DOCK4: variants seen among roughly 807,000 people sequenced by gnomAD.
DOCK4 encodes dedicator of cytokinesis protein 4.
A neutral mutation model predicts 268.1 loss-of-function variants in DOCK4; 97 were observed. The ratio of observed to expected loss-of-function variants is 0.36; its 90% CI spans 0.31 to 0.43. The LOEUF is 0.43. Among genes scored for constraint, DOCK4 ranks in the 20% least tolerant of loss-of-function variants. The pLI is 1.00. For missense variants in DOCK4, 2,145 were observed against 2,455.7 expected, an observed-to-expected ratio of 0.87 and a Z score of 2.67; for synonymous variants, 954 against 887.2, an observed-to-expected ratio of 1.08 and a Z score of -1.34.
chr7:112,043,704 A>G (rs1028958598), intron 1 of DOCK4, among the ~76,000 whole-genome samples: 1 of 151,976 alleles, frequency 6.6e-6, no homozygotes, highest in African/African-American at 2.4e-5. Flanking sequence ...AACCCTGGAT[A>G]GAGGGGATTT....
chr7:112,000,579 T>C, intron 2 of DOCK4, 45 bp from the exon 3 acceptor site: 2 of 1,365,626 alleles, frequency 1.5e-6, no homozygotes, highest in South Asian at 3.0e-5. Context: ...ACCATTGTAA[T>C]ATTTTAAAGA....
intron 1 of DOCK4, among the ~76,000 whole-genome samples, chr7:112,151,284 G>C (rs886839824): frequency 1.3e-5 from 2 of 152,078 alleles, no homozygotes; most frequent in Non-Finnish European, 2.9e-5. Context: ...GTTTCCTCAT[G>C]TGTAGAATGG....
At chr7:111,916,068 C>T (rs1247769915) in intron 12 of DOCK4, among the ~76,000 whole-genome samples, 164 bp from the exon 13 acceptor site, 3 of 152,184 alleles carry the variant, frequency 2.0e-5, no homozygotes, top group Non-Finnish European at 4.4e-5. Flanking sequence ...CTGAATAACA[C>T]TTTTCCAACT....
chr7:112,044,436 A>G (rs1804656740), intron 1 of DOCK4, among the ~76,000 whole-genome samples: 1 of 152,208 alleles, frequency 6.6e-6, no homozygotes, highest in South Asian at 2.1e-4. Flanking sequence ...GGATGATCTT[A>G]GATATTTTTA....
chr7:112,148,817 G>A (rs1164291746), intron 1 of DOCK4, among the ~76,000 whole-genome samples: 4 of 152,108 alleles, frequency 2.6e-5, no homozygotes, highest in Non-Finnish European at 5.9e-5. Flanking sequence ...GAATTACCCC[G>A]AAGTTCACTG....
chr7:111,960,880 T>C (rs544908451), intron 8 of DOCK4, among the ~76,000 whole-genome samples: 1 of 152,314 alleles, frequency 6.6e-6, no homozygotes, highest in South Asian at 2.1e-4. Context: ...TAAGGCTGAA[T>C]AGTATTCCAA....
chr7:112,062,599 A>G (rs911200250), intron 1 of DOCK4, among the ~76,000 whole-genome samples: 3 of 152,184 alleles, frequency 2.0e-5, no homozygotes, highest in African/African-American at 7.2e-5. Flanking sequence ...GGGCCGACTT[A>G]AAACAATCCT....
At chr7:111,802,382 G>A (rs1478450876) in intron 30 of DOCK4, among the ~76,000 whole-genome samples, 1 of 152,148 alleles carries the variant, frequency 6.6e-6, no homozygotes, top group Non-Finnish European at 1.5e-5. Flanking sequence ...CAGCCACAGA[G>A]GCTGTGCCCC....
intron 28 of DOCK4, 36 bp from the exon 29 acceptor site, chr7:111,809,437 T>C: frequency 6.7e-7 from 1 of 1,498,734 alleles, no homozygotes; most frequent in Non-Finnish European, 9.1e-7. Flanking sequence ...TACTATGGTG[T>C]TACAAGCATA....
chr7:111,813,600 G>A (rs1801311802), intron 27 of DOCK4, among the ~76,000 whole-genome samples: 2 of 152,100 alleles, frequency 1.3e-5, no homozygotes, highest in African/African-American at 4.8e-5. Flanking sequence ...ACCTTTCAGT[G>A]AATCTTATTA....
At chr7:111,876,967 T>A in intron 17 of DOCK4, 63 bp downstream of exon 17, 1 of 1,282,950 alleles carries the variant, frequency 7.8e-7, no homozygotes, top group African/African-American at 1.5e-5. Flanking sequence ...TTACTGAATA[T>A]GCTTACCAAA....
At chr7:111,867,497 A>G (rs1031855172) in intron 22 of DOCK4, among the ~76,000 whole-genome samples, 27 of 152,214 alleles carry the variant, frequency 1.8e-4, no homozygotes, top group Non-Finnish European at 3.1e-4. Flanking sequence ...GTTTGGCGGC[A>G]GCAGCAGCTC....
intron 1 of DOCK4, among the ~76,000 whole-genome samples, chr7:112,148,550 G>A (rs554307617): frequency 2.0e-5 from 3 of 151,966 alleles, no homozygotes; most frequent in African/African-American, 7.2e-5. Context: ...TAAAATCTAG[G>A]GGCCAGTAGC....
rs536275745 is a variant in DOCK4 at position 111,971,250 on chromosome 7, T to C, written c.701+5882A>G. On this transcript the variant is annotated intron_variant, in intron 8 of 52. Transcript: ENST00000428084. ...GTCTAGTGGTGGGTTCTTTAGCCTT[T>C]GCCTTTTCCAGCTTGGGAATGTGAG... The C allele has an allele frequency of 3.3e-4, 53 of 158,252 alleles. 1 individual carries two copies. In the South Asian group the frequency reaches 8.7e-3, roughly 26 times the overall value. 9.8% of individuals were successfully genotyped at this position (158,252 alleles called of 1,614,324 possible).
rs1366999201 is a variant in DOCK4 at position 111,741,674 on chromosome 7, T to C, written c.4798-13A>G. ...AAGCAGAGAACTCCTAAAGATGTAG[T>C]AAAGGAAATATCTCATTACAGTAAT... On this transcript the variant is annotated splice_polypyrimidine_tract_variant and intron_variant, in intron 45 of 52. Transcript: ENST00000428084. The C allele has an allele frequency of 6.2e-7, 1 of 1,610,890 alleles. No individual in the cohort carries two copies. Among genetic ancestry groups the C allele is most frequent in the Non-Finnish European group, 8.5e-7 (1 of 1,178,916 alleles).
Position 111,977,192 on chromosome 7 carries a change from A to G in DOCK4, c.641T>C (p.Leu214Pro). The G allele has an allele frequency of 6.2e-7, 1 of 1,612,576 alleles. No homozygotes were observed. The highest frequency in any genetic ancestry group is 8.5e-7 in the Non-Finnish European group (1 of 1,179,432). The stretch of plus-strand genomic sequence containing the variant: ...GAAGATGACCTCCAGCTCCTCTCCC[A>G]GGTTGGAACACATGAGGCTCTTCAT... The part of the protein sequence containing the change: ...VQMKSLMCSN[L>P]GEELEVIFSL... The change falls in exon 8 of 53, where the codon CTG becomes CCG. Residue 214 changes from leucine to proline, a missense_variant. By Grantham distance (98) the Leu-to-Pro change is moderately conservative (BLOSUM62 -3). Coordinates refer to ENST00000428084, the MANE Select transcript of DOCK4 (RefSeq NM_001363540.2).
At chr7:111,933,141 T>C (rs142444122) in intron 12 of DOCK4, among the ~76,000 whole-genome samples, 23 of 60,090 alleles carry the variant, frequency 3.8e-4, no homozygotes, top group African/African-American at 2.3e-3. Context: ...TATATACACA[T>C]ATATATACGT....
chr7:111,795,047 G>A (rs190863166), intron 30 of DOCK4, among the ~76,000 whole-genome samples: 262 of 152,278 alleles, frequency 1.7e-3, no homozygotes, highest in African/African-American at 6.1e-3. Context: ...TTTCTGATGG[G>A]AGAGTGCAAT....
At chr7:112,066,519 T>TA (rs1806957156) in intron 1 of DOCK4, among the ~76,000 whole-genome samples, 1 of 149,442 alleles carries the variant, frequency 6.7e-6, no homozygotes, top group South Asian at 2.1e-4. Flanking sequence ...TCTCTATATA[T>TA]ATACACACAC....
Sources: allele counts gnomAD v4.1 joint callset (sites outside exome capture counted in the v4.1 genomes callset), GRCh38; gene constraint gnomAD v4.1.1; transcripts MANE v1.5; gene names NCBI Gene and HGNC (gene_info 2026-07-23, HGNC 2026-07-21).